PCCA: variants seen among roughly 807,000 people sequenced by gnomAD.
PCCA encodes the protein propionyl-CoA carboxylase alpha chain, mitochondrial.
PCCA carries 74 observed loss-of-function variants against 101.3 expected under a neutral mutation model. That is an observed-to-expected ratio of 0.73 (90% CI 0.61 to 0.89). PCCA has a LOEUF of 0.89. Among genes scored for constraint, PCCA ranks in the 40% least tolerant of loss-of-function variants. The pLI, the probability that PCCA is intolerant of heterozygous loss-of-function variation, is 0.00. For synonymous variants in PCCA, 294 were observed against 313.6 expected, an observed-to-expected ratio of 0.94 and a Z score of 0.66; for missense variants, 891 against 907.0, an observed-to-expected ratio of 0.98 and a Z score of 0.23.
chr13:100,289,387 G>A (rs1402540242), intron 12 of PCCA, among the ~76,000 whole-genome samples: 1 of 152,062 alleles, frequency 6.6e-6, no homozygotes, highest in East Asian at 1.9e-4. Flanking sequence ...GGGCTCAAGG[G>A]ATCCTCCTCT....
At chr13:100,431,984 G>A (rs1354624454) in intron 20 of PCCA, among the ~76,000 whole-genome samples, 3 of 152,186 alleles carry the variant, frequency 2.0e-5, no homozygotes, top group South Asian at 2.1e-4. Flanking sequence ...GAGGTAAGGC[G>A]TTTGATACCA....
intron 20 of PCCA, among the ~76,000 whole-genome samples, chr13:100,435,185 C>T (rs1385142410): frequency 6.6e-6 from 1 of 152,178 alleles, no homozygotes; most frequent in Non-Finnish European, 1.5e-5. Context: ...CCAGCATCTG[C>T]TCAGCTTCTG....
At chr13:100,484,455 T>C (rs1053968203) in intron 21 of PCCA, among the ~76,000 whole-genome samples, 1 of 152,226 alleles carries the variant, frequency 6.6e-6, no homozygotes, top group Non-Finnish European at 1.5e-5. Flanking sequence ...CTCATCAGAC[T>C]GCACCTCAAG....
At chr13:100,266,720 G>A (rs930524231) in intron 10 of PCCA, among the ~76,000 whole-genome samples, 20 of 152,284 alleles carry the variant, frequency 1.3e-4, no homozygotes, top group African/African-American at 4.6e-4. Flanking sequence ...CACTGGTAGT[G>A]TGAATGGCAC....
chr13:100,166,254 A>G (rs2055024160), intron 6 of PCCA, among the ~76,000 whole-genome samples: 1 of 151,726 alleles, frequency 6.6e-6, no homozygotes, highest in East Asian at 1.9e-4. Context: ...TTTTTTTTTC[A>G]CCCAGCAAAA....
chr13:100,313,082 G>C (rs1253317751), intron 16 of PCCA, among the ~76,000 whole-genome samples: 1 of 151,718 alleles, frequency 6.6e-6, no homozygotes, highest in Non-Finnish European at 1.5e-5. Context: ...TTTGATATTT[G>C]CTTTCTCTAT....
chr13:100,309,890 G>A lies in PCCA; in HGVS notation c.1411G>A (p.Asp471Asn). 1 of 1,610,152 alleles carries A rather than the reference G, an allele frequency of 6.2e-7. No individual in the cohort carries two copies. The highest frequency in any genetic ancestry group is 8.5e-7 in the Non-Finnish European group (1 of 1,176,486). The change falls in exon 16 of 24, where the codon GAT becomes AAT. Residue 471 changes from aspartate (D) to asparagine (N), a missense_variant. Transcript: ENST00000376285. ...EALKRMADAL[D>N]NYVIRGVTHN... ...ACTGAAGAGAATGGCAGATGCACTGGATAACTATGTTATTCGAGGTAAAAA... is the reference window on the plus strand; with the variant it reads ...ACTGAAGAGAATGGCAGATGCACTGAATAACTATGTTATTCGAGGTAAAAA...
At chr13:100,374,434 A>G (rs191632009) in intron 19 of PCCA, among the ~76,000 whole-genome samples, 67 of 152,194 alleles carry the variant, frequency 4.4e-4, no homozygotes, top group Admixed American at 2.3e-3. Context: ...GATGTTTTCC[A>G]TTTCTGTCTT....
At chr13:100,169,702 ATT>A (rs10659778) in intron 6 of PCCA, among the ~76,000 whole-genome samples, 4 of 135,326 alleles carry the variant, frequency 3.0e-5, no homozygotes. Flanking sequence ...TAATTTCTGT[ATT>A]TTTTTTTTTT....
chr13:100,171,044 C>T (rs2055586068), intron 6 of PCCA, among the ~76,000 whole-genome samples: 1 of 152,086 alleles, frequency 6.6e-6, no homozygotes, highest in Non-Finnish European at 1.5e-5. Context: ...TAGAGTTTTC[C>T]ATGTAACAGT....
At position 100,188,305 on chromosome 13, in the gene PCCA, A is replaced by AAAACAAAACAAAACAAAACG. The variant is rs1555371968; in HGVS notation, c.469-21008_469-21007insGAAACAAAACAAAACAAAAC. 9.9e-3 allele frequency among the ~76,000 whole-genome samples: 1,450 copies of AAAACAAAACAAAACAAAACG among 146,520 alleles called. 40 individuals carry two copies. Among genetic ancestry groups the AAAACAAAACAAAACAAAACG allele is most frequent in the African/African-American group, 0.035 (1,380 of 39,944 alleles). Reference sequence around the variant, plus strand: ...AGACTCTGTCTCAAAAAAACAAAACAAAACAAAACAAAACAAAACAAAAAC... The same window carrying AAAACAAAACAAAACAAAACG: ...AGACTCTGTCTCAAAAAAACAAAACAAAACAAAACAAAACAAAACGAAACAAAACAAAACAAAACAAAAAC... On this transcript the variant is annotated intron_variant, in intron 6 of 23. Coordinates refer to ENST00000376285, the MANE Select transcript of PCCA (RefSeq NM_000282.4).
chr13:100,175,504 A>T (rs913477224), intron 6 of PCCA, among the ~76,000 whole-genome samples: 1 of 152,170 alleles, frequency 6.6e-6, no homozygotes. Flanking sequence ...TTGATGTTGA[A>T]TTGTGGCTTT....
At chr13:100,272,552 A>G (rs1440755205) in intron 11 of PCCA, among the ~76,000 whole-genome samples, 1 of 152,002 alleles carries the variant, frequency 6.6e-6, no homozygotes, top group Non-Finnish European at 1.5e-5. Context: ...GGGCCATTTC[A>G]CACCATGAAA....
chr13:100,520,634 CA>C (rs374566196), intron 22 of PCCA, among the ~76,000 whole-genome samples: 1,911 of 68,140 alleles, frequency 0.028, 8 homozygotes, highest in African/African-American at 0.097. Context: ...GACTCCGTCT[CA>C]AAAAAAAAAA....
intron 4 of PCCA, among the ~76,000 whole-genome samples, chr13:100,130,391 C>CCA (rs2050386479): frequency 3.3e-5 from 5 of 152,198 alleles, no homozygotes; most frequent in Non-Finnish European, 7.3e-5. Flanking sequence ...ATATCTGAGT[C>CCA]ATTCATCTGA....
intron 19 of PCCA, 59 bp downstream of exon 19, chr13:100,368,633 C>A: frequency 9.9e-7 from 1 of 1,009,764 alleles, no homozygotes; most frequent in South Asian, 1.3e-5. Flanking sequence ...ATATTTAAAG[C>A]CATTTTTAAC....
At position 100,357,720 on chromosome 13, in the gene PCCA, G is replaced by C. The variant is rs191978590; in HGVS notation, c.1644-10752G>C. Among the ~76,000 whole-genome samples the C allele has an allele frequency of 7.2e-5, 11 of 152,328 alleles. No individual in the cohort carries two copies. In the East Asian group the frequency reaches 2.1e-3, roughly 29 times the overall value. On this transcript the variant is annotated intron_variant, in intron 18 of 23. Transcript: ENST00000376285. ...CTACACCAGTGAGATGCACATTTAT[G>C]TGGCTTTTCCTCTGAAAGCAGTCAC... is the stretch of plus-strand genomic sequence containing the variant.
At chr13:100,500,661 G>C (rs2152988063) in intron 21 of PCCA, among the ~76,000 whole-genome samples, 1 of 152,220 alleles carries the variant, frequency 6.6e-6, no homozygotes, top group African/African-American at 2.4e-5. Context: ...GACTAGAGAG[G>C]CCTTCAGTCT....
chr13:100,495,911 C>T (rs924060828), intron 21 of PCCA, among the ~76,000 whole-genome samples: 9 of 152,300 alleles, frequency 5.9e-5, no homozygotes, highest in Admixed American at 1.3e-4. Flanking sequence ...TAATTTCACC[C>T]AGAGTCCGCA....
Sources: allele counts gnomAD v4.1 joint callset (sites outside exome capture counted in the v4.1 genomes callset), GRCh38; gene constraint gnomAD v4.1.1; transcripts MANE v1.5; gene names NCBI Gene and HGNC (gene_info 2026-07-23, HGNC 2026-07-21).